The following XYLT1 variants were observed in gnomAD, a reference collection of about 807,000 sequenced individuals.
XYLT1 encodes the protein beta-D-xylosyltransferase 1.
In XYLT1, 36 loss-of-function variants were observed where a neutral mutation model predicts 91.3. The ratio of observed to expected loss-of-function variants is 0.39; its 90% CI spans 0.30 to 0.52. The LOEUF is 0.52. XYLT1 is among the 20% of genes least tolerant of loss of function. The pLI, the probability that XYLT1 is intolerant of heterozygous loss-of-function variation, is 0.68. For synonymous variants in XYLT1, 588 were observed against 532.0 expected (o/e 1.11, Z -1.45); for missense variants, 1,242 against 1,284.5 (o/e 0.97, Z 0.51).
Position 17,138,551 on chromosome 16 carries a change from C to T in XYLT1, c.1588-20G>A. On this transcript the variant is annotated intron_variant, in intron 7 of 11. Transcript: ENST00000261381. Reference sequence around the variant, plus strand: ...GAAGGACTGCAGGGGAGAGAGGGACCCAGCCTGAGACCTCTCCCAGCCTCC... The same window carrying T: ...GAAGGACTGCAGGGGAGAGAGGGACTCAGCCTGAGACCTCTCCCAGCCTCC... 6.2e-7 allele frequency: 1 copy of T among 1,609,028 alleles called. No homozygotes were observed. The highest frequency in any genetic ancestry group is 1.1e-5 in the South Asian group (1 of 90,950).
intron 2 of XYLT1, among the ~76,000 whole-genome samples, chr16:17,309,119 G>A (rs17212473): frequency 0.12 from 18,196 of 152,190 alleles, 1,418 homozygotes; most frequent in Non-Finnish European, 0.18. Flanking sequence ...AGACACGCAA[G>A]GGTCTACAAC....
chr16:17,350,612 T>G (rs112180835), intron 2 of XYLT1, among the ~76,000 whole-genome samples: 67 of 152,098 alleles, frequency 4.4e-4, no homozygotes, highest in African/African-American at 1.6e-3. Context: ...CCCAGAGAGG[T>G]TCTTCTCCCA....
intron 5 of XYLT1, among the ~76,000 whole-genome samples, chr16:17,192,116 T>C (rs1417861308): frequency 1.4e-5 from 2 of 146,710 alleles, no homozygotes; most frequent in African/African-American, 2.6e-5. Context: ...TTTTTTTTTT[T>C]AGATGGAGTT....
At chr16:17,379,355 C>T (rs1219861276) in intron 1 of XYLT1, among the ~76,000 whole-genome samples, 1 of 152,212 alleles carries the variant, frequency 6.6e-6, no homozygotes, top group Non-Finnish European at 1.5e-5. Flanking sequence ...ACTTAATCTC[C>T]AACATCTGAC....
intron 1 of XYLT1, among the ~76,000 whole-genome samples, chr16:17,374,767 G>C (rs867787391): frequency 1.3e-5 from 2 of 152,100 alleles, no homozygotes; most frequent in African/African-American, 4.8e-5. Flanking sequence ...AGAGTTCTAT[G>C]GCTGAGGAAA....
At chr16:17,413,529 T>C (rs2036140434) in intron 1 of XYLT1, among the ~76,000 whole-genome samples, 1 of 151,480 alleles carries the variant, frequency 6.6e-6, no homozygotes. Flanking sequence ...CACTGCAGCC[T>C]CAACCTCTTG....
chr16:17,411,189 G>T (rs1190184413), intron 1 of XYLT1, among the ~76,000 whole-genome samples: 1 of 152,190 alleles, frequency 6.6e-6, no homozygotes, highest in Middle Eastern at 3.2e-3. Flanking sequence ...GAAACTTACA[G>T]AAGTCAATTT....
chr16:17,171,689 A>G (rs2031823112), intron 5 of XYLT1, among the ~76,000 whole-genome samples: 1 of 152,268 alleles, frequency 6.6e-6, no homozygotes. Context: ...ACGTTATCAC[A>G]TAGATCATCG....
In XYLT1 at chr16:17,358,052, T is replaced by C. The variant is rs2035326580; in HGVS notation, c.364-2A>G. On this transcript the variant is annotated splice_acceptor_variant, in intron 1 of 11. Coordinates refer to ENST00000261381, the MANE Select transcript of XYLT1 (RefSeq NM_022166.4). LOFTEE classifies it high-confidence loss of function. ...GATGAGCGGACTTGGGTGTGGATCCTGTAGGATGAAAGGAGAAAATGCACG... is the reference window on the plus strand; with the variant it reads ...GATGAGCGGACTTGGGTGTGGATCCCGTAGGATGAAAGGAGAAAATGCACG... The C allele has an allele frequency of 1.2e-6, 2 of 1,613,116 alleles. No homozygotes were observed. The highest frequency in any genetic ancestry group is 2.2e-5 in the South Asian group (2 of 90,948).
In XYLT1 at chr16:17,126,813, A is replaced by G. The variant is rs75092854; in HGVS notation, c.2223+853T>C. On this transcript the variant is annotated intron_variant, in intron 10 of 11. Transcript: ENST00000261381. ...CCCTTCCTTCCTGCACCACGACCCA[A>G]GTACACTCATTCATTCATTCAAAAG... Among the ~76,000 whole-genome samples, 1,169 of 152,272 alleles carry G rather than the reference A, an allele frequency of 7.7e-3. 13 individuals carry two copies. The highest frequency in any genetic ancestry group is 0.026 in the African/African-American group (1,091 of 41,552).
intron 3 of XYLT1, among the ~76,000 whole-genome samples, chr16:17,217,909 G>T (rs1397911530): frequency 2.0e-5 from 3 of 151,452 alleles, no homozygotes; most frequent in African/African-American, 7.3e-5. Context: ...AAGACCATGT[G>T]TCAAGGTCTC....
chr16:17,219,901 C>A (rs1179823858), intron 3 of XYLT1, among the ~76,000 whole-genome samples: 1 of 152,152 alleles, frequency 6.6e-6, no homozygotes, highest in East Asian at 1.9e-4. Context: ...CGTGGTGGTG[C>A]ATGCCTGTAG....
chr16:17,296,900 G>T (rs963009928), intron 2 of XYLT1, among the ~76,000 whole-genome samples: 1 of 152,182 alleles, frequency 6.6e-6, no homozygotes, highest in Non-Finnish European at 1.5e-5. Context: ...TAAGGTCTTT[G>T]AGTCTCAATT....
At chr16:17,320,732 G>T (rs1179836983) in intron 2 of XYLT1, among the ~76,000 whole-genome samples, 2 of 150,912 alleles carry the variant, frequency 1.3e-5, no homozygotes, top group Non-Finnish European at 1.5e-5. Flanking sequence ...TGCCCACCTT[G>T]CCCTCCCAAA....
chr16:17,358,562 G>A (rs1048585255), intron 1 of XYLT1, among the ~76,000 whole-genome samples: 5 of 152,058 alleles, frequency 3.3e-5, no homozygotes, highest in African/African-American at 4.8e-5. Context: ...TCTGCAGGCC[G>A]CCCCAACACT....
intron 3 of XYLT1, among the ~76,000 whole-genome samples, chr16:17,211,137 A>C (rs2032749240): frequency 1.3e-5 from 2 of 152,238 alleles, no homozygotes; most frequent in African/African-American, 4.8e-5. Context: ...TACAAGAATA[A>C]TATGGCAGGT....
intron 3 of XYLT1, among the ~76,000 whole-genome samples, chr16:17,247,950 G>A (rs2033468076): frequency 6.6e-6 from 1 of 152,182 alleles, no homozygotes. Flanking sequence ...AGTGGAAGAA[G>A]CATGATTCTG....
rs191326474 is a variant in XYLT1 at position 17,393,021 on chromosome 16, C to A, written c.364-34971G>T. Among the ~76,000 whole-genome samples, 688 of 152,290 alleles carry A rather than the reference C, an allele frequency of 4.5e-3. 3 individuals carry two copies. Among genetic ancestry groups the A allele is most frequent in the African/African-American group, 0.016 (660 of 41,558 alleles). On this transcript the variant is annotated intron_variant, in intron 1 of 11. Coordinates refer to ENST00000261381, the MANE Select transcript of XYLT1 (RefSeq NM_022166.4). ...TCTCACCTCACTCCCTACCTTCCCT[C>A]TTTTCTTTCCTTCCTCCTTCCCCTC...
chr16:17,298,768 T>C (rs1413167834), intron 2 of XYLT1, among the ~76,000 whole-genome samples: 1 of 152,242 alleles, frequency 6.6e-6, no homozygotes, highest in African/African-American at 2.4e-5. Flanking sequence ...CTCAGGGCCT[T>C]TGCACTTGCT....
Sources: allele counts gnomAD v4.1 joint callset (sites outside exome capture counted in the v4.1 genomes callset), GRCh38; gene constraint gnomAD v4.1.1; transcripts MANE v1.5; gene names NCBI Gene and HGNC (gene_info 2026-07-23, HGNC 2026-07-21).